Variants in LOXHD1 observed in about 807,000 individuals in gnomAD.
LOXHD1 encodes the protein lipoxygenase homology domain-containing protein 1.
Under a neutral mutation model 248.2 loss-of-function variants are expected in LOXHD1, and 205 were observed. The ratio of observed to expected loss-of-function variants is 0.83; its 90% CI spans 0.74 to 0.93. The LOEUF is 0.93. Ranked by LOEUF, LOXHD1 falls within the 40% of genes least tolerant of loss-of-function variation. LOXHD1 has a pLI of 0.00. For synonymous variants in LOXHD1, 1,113 were observed against 1,162.8 expected (o/e 0.96, Z 0.87); for missense variants, 2,930 against 2,971.6 (o/e 0.99, Z 0.33).
chr18:46,503,343 C>A (rs142092250), intron 37 of LOXHD1, among the ~76,000 whole-genome samples: 1 of 152,314 alleles, frequency 6.6e-6, no homozygotes, highest in East Asian at 1.9e-4. Context: ...TCCCCACACC[C>A]ATGCCTGCCA....
At chr18:46,574,238 T>C (rs2037810148) in intron 14 of LOXHD1, among the ~76,000 whole-genome samples, 1 of 152,170 alleles carries the variant, frequency 6.6e-6, no homozygotes, top group Admixed American at 6.5e-5. Context: ...TTTCAGGGTA[T>C]TAATAGATAT....
At chr18:46,528,632 C>A (rs977047755) in intron 29 of LOXHD1, among the ~76,000 whole-genome samples, 16 of 152,092 alleles carry the variant, frequency 1.1e-4, no homozygotes, top group African/African-American at 3.9e-4. Flanking sequence ...CTGCCTCCAC[C>A]GCTCCCAAGG....
At chr18:46,592,216 T>A (rs2038183558) in intron 11 of LOXHD1, 148 bp from the exon 12 acceptor site, 1 of 1,164,152 alleles carries the variant, frequency 8.6e-7, no homozygotes. Flanking sequence ...GGATTAGTAT[T>A]TGTTCCTGGT....
At chr18:46,565,035 G>C (rs767289121) in intron 17 of LOXHD1, among the ~76,000 whole-genome samples, 1 of 152,072 alleles carries the variant, frequency 6.6e-6, no homozygotes, top group Non-Finnish European at 1.5e-5. Flanking sequence ...AGCCCAAGGC[G>C]GGTGGATCAC....
intron 25 of LOXHD1, among the ~76,000 whole-genome samples, chr18:46,539,366 C>A (rs2036458150): frequency 6.6e-6 from 1 of 152,054 alleles, no homozygotes; most frequent in Admixed American, 6.6e-5. Context: ...GAGGCTGAGG[C>A]AGGATAATTG....
At chr18:46,638,714 AGTCAAGT>A (rs2038923904) in intron 4 of LOXHD1, among the ~76,000 whole-genome samples, 1 of 152,252 alleles carries the variant, frequency 6.6e-6, no homozygotes, top group Non-Finnish European at 1.5e-5. Flanking sequence ...CAGAGGAACA[AGTCAAGT>A]GTCAAGTTTA....
intron 37 of LOXHD1, among the ~76,000 whole-genome samples, chr18:46,498,705 G>A (rs1171292940): frequency 6.6e-6 from 1 of 152,034 alleles, no homozygotes; most frequent in East Asian, 1.9e-4. Context: ...GACACAAGTC[G>A]TCATTGATTT....
chr18:46,649,858 T>C (rs2039085811), intron 1 of LOXHD1, among the ~76,000 whole-genome samples: 1 of 152,134 alleles, frequency 6.6e-6, no homozygotes, highest in Non-Finnish European at 1.5e-5. Flanking sequence ...AGGGCATCAG[T>C]ACAATTATAG....
chr18:46,627,812 T>G (rs2038764191), intron 4 of LOXHD1, among the ~76,000 whole-genome samples: 2 of 152,348 alleles, frequency 1.3e-5, no homozygotes, highest in Admixed American at 1.3e-4. Context: ...TCACCTCCTC[T>G]ATAAAGGCCT....
chr18:46,631,058 A>G (rs1599062659), intron 4 of LOXHD1, among the ~76,000 whole-genome samples: 1 of 151,918 alleles, frequency 6.6e-6, no homozygotes, highest in South Asian at 2.1e-4. Flanking sequence ...TCTATCCATG[A>G]CCTCCCATTA....
intron 22 of LOXHD1, among the ~76,000 whole-genome samples, chr18:46,545,978 A>T (rs888506542): frequency 6.6e-5 from 10 of 151,582 alleles, no homozygotes; most frequent in African/African-American, 2.2e-4. Context: ...CTCTGCAGTC[A>T]CCATTAGTCT....
At chr18:46,644,710 A>AGACCC (rs2039006279) in intron 2 of LOXHD1, among the ~76,000 whole-genome samples, 1 of 152,090 alleles carries the variant, frequency 6.6e-6, no homozygotes, top group East Asian at 1.9e-4. Context: ...TGACAGAGTG[A>AGACCC]GACCCTGTCT....
intron 12 of LOXHD1, among the ~76,000 whole-genome samples, chr18:46,582,892 T>C (rs796897570): frequency 7.2e-5 from 11 of 152,294 alleles, no homozygotes; most frequent in African/African-American, 2.6e-4. Flanking sequence ...TTCCTATGAA[T>C]GATCAGGGCT....
At chr18:46,629,637 T>G (rs2038793001) in intron 4 of LOXHD1, among the ~76,000 whole-genome samples, 1 of 151,978 alleles carries the variant, frequency 6.6e-6, no homozygotes, top group African/African-American at 2.4e-5. Flanking sequence ...TGTGTGGCAC[T>G]GCATGGCCTG....
At chr18:46,518,029 G>T (rs1372605170) in intron 34 of LOXHD1, 100 bp downstream of exon 34, 4 of 1,421,116 alleles carry the variant, frequency 2.8e-6, no homozygotes, top group Non-Finnish European at 3.9e-6. Flanking sequence ...CTCATGGTCT[G>T]CAGCGGGCAT....
At chr18:46,602,389 A>G (rs1000300725) in intron 7 of LOXHD1, among the ~76,000 whole-genome samples, 10 of 151,958 alleles carry the variant, frequency 6.6e-5, no homozygotes, top group African/African-American at 2.4e-4. Flanking sequence ...TATTTTTAGT[A>G]GAGACAGGTT....
intron 20 of LOXHD1, 200 bp downstream of exon 20, chr18:46,559,248 T>C: frequency 1.3e-6 from 2 of 1,515,676 alleles, no homozygotes; most frequent in Non-Finnish European, 1.8e-6. Flanking sequence ...CTCTAGGTGC[T>C]GGGGCCCTGC....
chr18:46,566,153 C>A, intron 17 of LOXHD1, 104 bp downstream of exon 17: 1 of 1,276,190 alleles, frequency 7.8e-7, no homozygotes. Context: ...CTACCAGCAG[C>A]ACTTGTCAGC....
intron 4 of LOXHD1, among the ~76,000 whole-genome samples, chr18:46,618,548 T>A (rs900868361): frequency 6.6e-6 from 1 of 152,238 alleles, no homozygotes; most frequent in Non-Finnish European, 1.5e-5. Context: ...ATTGGATGTA[T>A]GACCATCACT....
Sources: allele counts gnomAD v4.1 joint callset (sites outside exome capture counted in the v4.1 genomes callset), GRCh38; gene constraint gnomAD v4.1.1; transcripts MANE v1.5; gene names NCBI Gene and HGNC (gene_info 2026-07-23, HGNC 2026-07-21).